GPAT3: variants seen among roughly 807,000 people sequenced by gnomAD.
GPAT3 encodes glycerol-3-phosphate acyltransferase 3.
A neutral mutation model predicts 58.8 loss-of-function variants in GPAT3; 53 were observed. That is an observed-to-expected ratio of 0.90 (90% confidence interval 0.72 to 1.13). GPAT3 has a LOEUF of 1.13. Among genes scored for constraint, GPAT3 ranks in the 50% most tolerant of loss-of-function variants. GPAT3 has a pLI of 0.00. For synonymous variants in GPAT3, 197 were observed against 187.4 expected, an observed-to-expected ratio of 1.05 and a Z score of -0.42; for missense variants, 511 against 527.6, an observed-to-expected ratio of 0.97 and a Z score of 0.31.
intron 11 of GPAT3, among the ~76,000 whole-genome samples, chr4:83,600,224 G>A (rs766302553): frequency 4.6e-5 from 7 of 152,146 alleles, no homozygotes; most frequent in Non-Finnish European, 8.8e-5. Context: ...CTCTTGTGTT[G>A]CAGATAGCTG....
At chr4:83,583,667 G>GGAAAAAA (rs1553947553) in intron 3 of GPAT3, among the ~76,000 whole-genome samples, 4 of 23,462 alleles carry the variant, frequency 1.7e-4, no homozygotes, top group African/African-American at 7.7e-4. Flanking sequence ...ACTCTTGTCT[G>GGAAAAAA]AAAAAAAAAA....
rs370396366 is a variant in GPAT3 at position 83,581,593 on chromosome 4, A to G, written c.240A>G (p.Glu80=). Residue 80 remains glutamate (E), a synonymous_variant, in exon 3 of 12, where the codon GAA becomes GAG. Transcript: ENST00000264409. The part of the protein sequence containing the change: ...GIIQRDESPM[E]KGLSGLRGRD... ...TCCAAAGAGATGAGTCACCCATGGAAAAAGGGCTCTCTGGTCTACGAGGAA... is the reference window on the plus strand; with the variant it reads ...TCCAAAGAGATGAGTCACCCATGGAGAAAGGGCTCTCTGGTCTACGAGGAA... The G allele has an allele frequency of 2.0e-5, 32 of 1,613,982 alleles. No individual in the cohort carries two copies. Among genetic ancestry groups the G allele is most frequent in the Non-Finnish European group, 2.6e-5 (31 of 1,180,016 alleles).
At chr4:83,583,667 G>GGAAAAAAAAAAAAAAAAA (rs1553947553) in intron 3 of GPAT3, among the ~76,000 whole-genome samples, 1 of 23,462 alleles carries the variant, frequency 4.3e-5, no homozygotes, top group African/African-American at 1.9e-4. Context: ...ACTCTTGTCT[G>GGAAAAAAAAAAAAAAAAA]AAAAAAAAAA....
At chr4:83,559,448 C>T (rs773349480) in intron 2 of GPAT3, among the ~76,000 whole-genome samples, 6 of 152,066 alleles carry the variant, frequency 3.9e-5, no homozygotes, top group Non-Finnish European at 7.4e-5. Flanking sequence ...CTCAGCCTCC[C>T]GAGTAGCTGG....
chr4:83,536,347 G>A lies in GPAT3; in HGVS notation c.-276G>A. The stretch of plus-strand genomic sequence containing the variant: ...CCCGCAGCTCCGACCACTGGCTCGC[G>A]CTACCCAGGTCTCCGCACGCCGCGG... On this transcript the variant is annotated 5_prime_UTR_variant, in exon 1 of 12. Transcript: ENST00000264409. 2 of 1,175,064 alleles carry A rather than the reference G, an allele frequency of 1.7e-6. No individual in the cohort carries two copies. The highest frequency in any genetic ancestry group is 2.1e-6 in the Non-Finnish European group (2 of 949,512). The allele number at this position is 1,175,064 out of a possible 1,614,324, so 72.8% of individuals were successfully genotyped here. A position where few individuals can be genotyped will look rare whatever the true frequency, so the allele number is the denominator to read the frequency against.
At chr4:83,558,688 A>T (rs1276707580) in intron 2 of GPAT3, among the ~76,000 whole-genome samples, 1 of 152,228 alleles carries the variant, frequency 6.6e-6, no homozygotes, top group Non-Finnish European at 1.5e-5. Context: ...GACAAAACAT[A>T]GAAATAAGGT....
At chr4:83,540,392 G>A (rs1724256206) in intron 1 of GPAT3, among the ~76,000 whole-genome samples, 1 of 152,184 alleles carries the variant, frequency 6.6e-6, no homozygotes, top group African/African-American at 2.4e-5. Context: ...CCTTGAGACA[G>A]ATATGTTCTG....
chr4:83,585,188 CTT>C (rs1726332678), intron 3 of GPAT3, among the ~76,000 whole-genome samples: 1 of 151,928 alleles, frequency 6.6e-6, no homozygotes, highest in Non-Finnish European at 1.5e-5. Context: ...TATGTCAAGT[CTT>C]TAACAAAATT....
At chr4:83,595,720 A>G (rs966266512) in intron 7 of GPAT3, among the ~76,000 whole-genome samples, 4 of 152,168 alleles carry the variant, frequency 2.6e-5, no homozygotes, top group South Asian at 2.1e-4. Context: ...TCTTAAAAAA[A>G]AAAAAGAAGA....
intron 6 of GPAT3, 78 bp downstream of exon 6, chr4:83,590,370 G>A: frequency 7.0e-7 from 1 of 1,423,974 alleles, no homozygotes; most frequent in Non-Finnish European, 9.8e-7. Context: ...GCATAAATTA[G>A]CAAGTTGGTT....
intron 2 of GPAT3, among the ~76,000 whole-genome samples, chr4:83,575,674 A>G (rs1222399765): frequency 6.6e-6 from 1 of 152,192 alleles, no homozygotes; most frequent in Non-Finnish European, 1.5e-5. Context: ...TCGGCCTCCC[A>G]CAGTGCTGGG....
intron 2 of GPAT3, among the ~76,000 whole-genome samples, chr4:83,580,713 G>A (rs1046830795): frequency 8.5e-5 from 13 of 152,126 alleles, no homozygotes; most frequent in African/African-American, 2.9e-4. Flanking sequence ...AAAGTTGTAT[G>A]ATATTAACTA....
At chr4:83,573,369 C>T (rs1725672519) in intron 2 of GPAT3, among the ~76,000 whole-genome samples, 1 of 152,234 alleles carries the variant, frequency 6.6e-6, no homozygotes, top group Non-Finnish European at 1.5e-5. Flanking sequence ...AAGTGCCTCA[C>T]CTCAGGTGAT....
chr4:83,588,319 T>C lies in GPAT3; in HGVS notation c.644+20T>C. On this transcript the variant is annotated intron_variant, in intron 5 of 11. Transcript: ENST00000264409. ...TAACAAGTGAGTATCTGCTCCAATG[T>C]GCCTGTCTTTTTCTAGGTCAATTCA... The C allele has an allele frequency of 6.2e-7, 1 of 1,601,356 alleles. No individual in the cohort carries two copies. Among genetic ancestry groups the C allele is most frequent in the Non-Finnish European group, 8.5e-7 (1 of 1,169,670 alleles).
At chr4:83,601,616 G>A (rs758825084) in intron 11 of GPAT3, among the ~76,000 whole-genome samples, 2 of 152,166 alleles carry the variant, frequency 1.3e-5, no homozygotes, top group East Asian at 1.9e-4. Context: ...TTAGCTGGGC[G>A]CCATGGCGCA....
intron 2 of GPAT3, among the ~76,000 whole-genome samples, chr4:83,573,780 T>C (rs1725688523): frequency 6.6e-6 from 1 of 152,134 alleles, no homozygotes; most frequent in Admixed American, 6.6e-5. Flanking sequence ...CCCTGCCCAA[T>C]TTTAAAATAA....
intron 2 of GPAT3, among the ~76,000 whole-genome samples, chr4:83,568,886 C>A (rs1313702913): frequency 6.6e-6 from 1 of 152,110 alleles, no homozygotes; most frequent in Non-Finnish European, 1.5e-5. Flanking sequence ...AAAATAACCA[C>A]AAAACTGCCT....
chr4:83,542,557 G>A (rs1056881968), intron 1 of GPAT3, among the ~76,000 whole-genome samples: 7 of 152,180 alleles, frequency 4.6e-5, no homozygotes, highest in Non-Finnish European at 7.3e-5. Flanking sequence ...GATATCATGC[G>A]TTACTCCCTG....
chr4:83,536,795 C>A, intron 1 of GPAT3, 32 bp downstream of exon 1: 1 of 1,577,294 alleles, frequency 6.3e-7, no homozygotes, highest in South Asian at 1.1e-5. Flanking sequence ...GCCAGCCCCA[C>A]ACCGCTGCGG....
Sources: gnomAD v4.1 joint callset for allele counts (sites outside exome capture counted in the v4.1 genomes callset) on GRCh38, gnomAD v4.1.1 for gene constraint, MANE v1.5 for transcripts, NCBI Gene and HGNC (gene_info 2026-07-23, HGNC 2026-07-21) for gene names.